The following MIAT variants were observed in gnomAD, a reference collection of about 807,000 sequenced individuals.
The protein encoded by MIAT is MI related novel mRNA.
chr22:26,669,725 C>G, downstream of MIAT: 1 of 399,214 alleles, frequency 2.5e-6, no homozygotes, highest in Non-Finnish European at 4.4e-6. Context: ...GGAGGAGGAG[C>G]AGAGAGGTAT....
intron 2 of MIAT, among the ~76,000 whole-genome samples, chr22:26,659,409 C>T (rs1930575584): frequency 6.6e-6 from 1 of 152,208 alleles, no homozygotes; most frequent in Non-Finnish European, 1.5e-5. Flanking sequence ...GAGAACTGTT[C>T]TGAAATCTAC....
At chr22:26,650,926 C>T (rs1434109230) in intron 2 of MIAT, among the ~76,000 whole-genome samples, 1 of 152,188 alleles carries the variant, frequency 6.6e-6, no homozygotes, top group African/African-American at 2.4e-5. Context: ...CTCTCTAAGC[C>T]TCGCTTTCCT....
chr22:26,673,509 A>T, downstream of MIAT: 1 of 398,074 alleles, frequency 2.5e-6, no homozygotes, highest in East Asian at 3.6e-5. Flanking sequence ...ACCTTGACTA[A>T]CTCCTGCCTT....
intron 2 of MIAT, among the ~76,000 whole-genome samples, chr22:26,659,359 C>T (rs1352921903): frequency 1.3e-5 from 2 of 152,146 alleles, no homozygotes; most frequent in East Asian, 3.9e-4. Context: ...TCCATGTCCC[C>T]CATGCCCGCC....
chr22:26,665,012 G>A (rs932636954), intron 3 of MIAT, among the ~76,000 whole-genome samples: 14 of 152,194 alleles, frequency 9.2e-5, no homozygotes, highest in African/African-American at 2.4e-4. Flanking sequence ...TGAGGCCAGC[G>A]GACTGCCTGA....
intron 2 of MIAT, among the ~76,000 whole-genome samples, chr22:26,648,820 C>A (rs1046781813): frequency 3.3e-5 from 5 of 152,014 alleles, no homozygotes; most frequent in Admixed American, 1.3e-4. Flanking sequence ...TTCTAAGATC[C>A]TTTATAATAA....
intron 2 of MIAT, chr22:26,658,328 T>A (rs1930537547): frequency 6.6e-6 from 1 of 152,064 alleles, no homozygotes; most frequent in Admixed American, 6.6e-5. Flanking sequence ...ATCACAACAG[T>A]CCCACGAGGT....
intron 2 of MIAT, chr22:26,657,366 T>C: frequency 2.6e-6 from 1 of 379,042 alleles, no homozygotes; most frequent in Non-Finnish European, 4.6e-6. Flanking sequence ...TAAGGAGGGG[T>C]TGGGTGTGAG....
At chr22:26,650,244 C>T (rs1235404848) in intron 2 of MIAT, 1 of 152,230 alleles carries the variant, frequency 6.6e-6, no homozygotes, top group East Asian at 1.9e-4. Context: ...GAAAAGACCA[C>T]ATGAGGACAC....
intron 2 of MIAT, chr22:26,657,166 G>A (rs776238416): frequency 5.1e-5 from 11 of 214,352 alleles, no homozygotes; most frequent in Non-Finnish European, 8.2e-5. Context: ...CGCAGCCCCC[G>A]CGCCTCTCCA....
chr22:26,650,375 G>A (rs893488133), intron 2 of MIAT: 4 of 152,200 alleles, frequency 2.6e-5, no homozygotes, highest in Non-Finnish European at 5.9e-5. Context: ...CCAGTCTATG[G>A]TATTTTGTTA....
exon 4 of MIAT, chr22:26,665,973 C>T (rs1061541): frequency 0.83 from 332,307 of 398,524 alleles, 139,065 homozygotes; most frequent in East Asian, 0.95. Context: ...TTCTCAGTTT[C>T]AGCACTTTGT....
chr22:26,667,358 G>GTGCACA (rs1234538537), intron 5 of MIAT: 3 of 397,042 alleles, frequency 7.6e-6, no homozygotes, highest in African/African-American at 6.2e-5. Context: ...GTGTGTGCGT[G>GTGCACA]TGCACATGTG....
At chr22:26,646,550 C>T (rs142189503) in exon 1 of MIAT, 39 of 398,752 alleles carry the variant, frequency 9.8e-5, no homozygotes, top group African/African-American at 5.5e-4. Context: ...GGGCTCTATG[C>T]GGCCAGGATC....
At chr22:26,661,961 T>TACATAC (rs1930691755) in intron 2 of MIAT, among the ~76,000 whole-genome samples, 5 of 44,024 alleles carry the variant, frequency 1.1e-4, no homozygotes, top group Admixed American at 1.0e-3. Flanking sequence ...TATATATATA[T>TACATAC]ACACACACAC....
At chr22:26,668,041 G>C (rs1468391891) in intron 5 of MIAT, 2 of 397,508 alleles carry the variant, frequency 5.0e-6, no homozygotes, top group Non-Finnish European at 8.8e-6. Flanking sequence ...GGGGGCATGA[G>C]AGACTGGGGG....
chr22:26,651,163 C>T (rs1322671092), intron 2 of MIAT, among the ~76,000 whole-genome samples: 2 of 152,208 alleles, frequency 1.3e-5, no homozygotes, highest in African/African-American at 4.8e-5. Context: ...GCTCTCCTCT[C>T]CTCTGCTCTA....
intron 2 of MIAT, among the ~76,000 whole-genome samples, chr22:26,653,941 T>C (rs1319100582): frequency 2.6e-5 from 4 of 152,184 alleles, no homozygotes; most frequent in African/African-American, 9.6e-5. Flanking sequence ...AGTTTCACCA[T>C]GCTTGGCCAG....
chr22:26,669,237 C>T (rs757757071), exon 6 of MIAT: 4 of 398,598 alleles, frequency 1.0e-5, no homozygotes, highest in South Asian at 1.3e-4. Context: ...TCCCAGAATG[C>T]GGAGTGGTGT....
Sources: gnomAD v4.1 joint callset for allele counts (sites outside exome capture counted in the v4.1 genomes callset) on GRCh38, gnomAD v4.1.1 for gene constraint, MANE v1.5 for transcripts, NCBI Gene and HGNC (gene_info 2026-07-23, HGNC 2026-07-21) for gene names.